Variants in PSMA1 observed in about 807,000 individuals in gnomAD.
The protein encoded by PSMA1 is proteasome 20S subunit alpha 1, also known as proteasome subunit alpha type-1.
Under a neutral mutation model 38.4 loss-of-function variants are expected in PSMA1, and 3 were observed. The ratio of observed to expected loss-of-function variants is 0.08; its 90% CI spans 0.04 to 0.20. The LOEUF (loss-of-function observed/expected upper bound fraction) is 0.20. Ranked by LOEUF, PSMA1 falls within the 10% of genes least tolerant of loss-of-function variation. The pLI is 1.00. For missense variants in PSMA1, 227 were observed against 325.3 expected (o/e 0.70, Z 2.32); for synonymous variants, 101 against 107.1 (o/e 0.94, Z 0.35).
At chr11:14,596,189 C>G (rs555772268) in intron 2 of PSMA1, among the ~76,000 whole-genome samples, 3 of 152,252 alleles carry the variant, frequency 2.0e-5, no homozygotes, top group African/African-American at 4.8e-5. Context: ...ATGCCTCCAG[C>G]TTTGTTCTTT....
chr11:14,515,729 T>C (rs1201585647), intron 4 of PSMA1, among the ~76,000 whole-genome samples: 2 of 151,550 alleles, frequency 1.3e-5, no homozygotes, highest in Admixed American at 6.6e-5. Context: ...AATTTTTTTA[T>C]TTTTAGTAGA....
At chr11:14,577,757 C>T (rs138829902) in intron 2 of PSMA1, among the ~76,000 whole-genome samples, 1 of 152,048 alleles carries the variant, frequency 6.6e-6, no homozygotes, top group Non-Finnish European at 1.5e-5. Flanking sequence ...GGTGGCAAAG[C>T]CAGAATTTGA....
chr11:14,576,796 G>T (rs538763586), intron 2 of PSMA1, among the ~76,000 whole-genome samples: 2 of 152,284 alleles, frequency 1.3e-5, no homozygotes, highest in African/African-American at 4.8e-5. Flanking sequence ...CTTTAAAGTA[G>T]TTTTTTCCAA....
chr11:14,582,541 T>C (rs578198769), intron 2 of PSMA1, among the ~76,000 whole-genome samples: 1 of 152,244 alleles, frequency 6.6e-6, no homozygotes, highest in South Asian at 2.1e-4. Flanking sequence ...TTTTTTGAGA[T>C]GGAGTCTCAC....
At chr11:14,611,146 G>T in exon 2 of PSMA1, 1 of 634,460 alleles carries the variant, frequency 1.6e-6, no homozygotes, top group Non-Finnish European at 2.8e-6. Flanking sequence ...TTGCAGGGTG[G>T]AATACCTGAA....
At chr11:14,555,631 T>A (rs534498402) in intron 2 of PSMA1, among the ~76,000 whole-genome samples, 1 of 152,332 alleles carries the variant, frequency 6.6e-6, no homozygotes, top group African/African-American at 2.4e-5. Flanking sequence ...CTTGTACTTT[T>A]TCTCTCTTGA....
upstream of PSMA1, among the ~76,000 whole-genome samples, chr11:14,523,216 C>A (rs1851548346): frequency 6.6e-6 from 1 of 152,152 alleles, no homozygotes; most frequent in African/African-American, 2.4e-5. Flanking sequence ...ATTTTCAGCT[C>A]CTCTTTGTGT....
intron 2 of PSMA1, among the ~76,000 whole-genome samples, chr11:14,589,361 A>ATGTGTGTG (rs1393081532): frequency 1.5e-5 from 2 of 131,914 alleles, no homozygotes; most frequent in African/African-American, 5.7e-5. Context: ...GTATATATAT[A>ATGTGTGTG]TATATGTGTG....
At chr11:14,632,842 A>G (rs537816042) in intron 1 of PSMA1, among the ~76,000 whole-genome samples, 1 of 152,072 alleles carries the variant, frequency 6.6e-6, no homozygotes, top group East Asian at 1.9e-4. Context: ...ATTTCTTTTA[A>G]TTCTTTTTTC....
chr11:14,640,166 TAC>T (rs1853180826), intron 1 of PSMA1, among the ~76,000 whole-genome samples: 1 of 152,002 alleles, frequency 6.6e-6, no homozygotes, highest in East Asian at 1.9e-4. Context: ...GGGAATATAA[TAC>T]AGAGTTGAAA....
chr11:14,551,317 T>C (rs1851881504), intron 2 of PSMA1, among the ~76,000 whole-genome samples: 2 of 152,226 alleles, frequency 1.3e-5, no homozygotes, highest in Non-Finnish European at 2.9e-5. Flanking sequence ...AAAGAAATTA[T>C]ATGGCTTTCA....
intron 2 of PSMA1, among the ~76,000 whole-genome samples, chr11:14,527,420 T>C (rs1486103451): frequency 1.3e-5 from 2 of 152,154 alleles, no homozygotes; most frequent in African/African-American, 4.8e-5. Flanking sequence ...CATAACCTCT[T>C]CCATGTAGGT....
rs1396863518 is a variant in PSMA1 at position 14,505,581 on chromosome 11, G to T, written c.736-333C>A. On this transcript the variant is annotated intron_variant, in intron 9 of 9. Transcript: ENST00000396394. Reference sequence around the variant, plus strand: ...TTGCTTTTACTCTAACATTGTTTAGGGTGAAGCTTTTTTTTGTTTGTTTGT... The same window carrying T: ...TTGCTTTTACTCTAACATTGTTTAGTGTGAAGCTTTTTTTTGTTTGTTTGT... 2.2e-5 allele frequency among the ~76,000 whole-genome samples: 3 copies of T among 135,680 alleles called. No individual in the cohort carries two copies. In the South Asian group the frequency reaches 6.6e-4, roughly 30 times the overall value. The allele number at this position is 135,680 out of a possible 152,430, so 89.0% of individuals were successfully genotyped here.
At chr11:14,575,634 C>T (rs1852203827) in intron 2 of PSMA1, among the ~76,000 whole-genome samples, 1 of 152,140 alleles carries the variant, frequency 6.6e-6, no homozygotes, top group Non-Finnish European at 1.5e-5. Flanking sequence ...GTATATGTGC[C>T]ACATTTTCTT....
At chr11:14,617,401 T>G (rs1031117998) in intron 1 of PSMA1, among the ~76,000 whole-genome samples, 1 of 152,204 alleles carries the variant, frequency 6.6e-6, no homozygotes, top group Non-Finnish European at 1.5e-5. Context: ...CCCCCTTCCT[T>G]CCTCAACCAT....
At chr11:14,542,144 T>G (rs1055931379) in intron 2 of PSMA1, among the ~76,000 whole-genome samples, 1 of 152,300 alleles carries the variant, frequency 6.6e-6, no homozygotes, top group African/African-American at 2.4e-5. Flanking sequence ...TGGTTAAAAC[T>G]TTTAAAAAAG....
chr11:14,507,549 T>C, intron 9 of PSMA1, 107 bp downstream of exon 9: 2 of 758,224 alleles, frequency 2.6e-6, no homozygotes, highest in Non-Finnish European at 4.5e-6. Context: ...ATTTGAATTA[T>C]GGGCCCATTT....
chr11:14,508,573 A>AAAAAAAAAAAC (rs1158857849), intron 8 of PSMA1, among the ~76,000 whole-genome samples: 1 of 150,068 alleles, frequency 6.7e-6, no homozygotes, highest in East Asian at 1.9e-4. Context: ...AAAAAAAAAA[A>AAAAAAAAAAAC]AAAACCCAGA....
intron 2 of PSMA1, among the ~76,000 whole-genome samples, chr11:14,554,208 G>C (rs567867868): frequency 6.6e-6 from 1 of 151,944 alleles, no homozygotes; most frequent in African/African-American, 2.4e-5. Flanking sequence ...CAGATGTTTG[G>C]TTTACTATAT....
Sources: gnomAD v4.1 joint callset for allele counts (sites outside exome capture counted in the v4.1 genomes callset) on GRCh38, gnomAD v4.1.1 for gene constraint, MANE v1.5 for transcripts, NCBI Gene and HGNC (gene_info 2026-07-23, HGNC 2026-07-21) for gene names.